The following CFAP20DC variants were observed in gnomAD, a reference collection of about 807,000 sequenced individuals.
The protein encoded by CFAP20DC is CFAP20 domain containing, also known as protein CFAP20DC.
In CFAP20DC, 84 loss-of-function variants were observed where a neutral mutation model predicts 101.7. That is an observed-to-expected ratio of 0.83 (90% CI 0.69 to 0.99). The LOEUF (loss-of-function observed/expected upper bound fraction) is 0.99. Ranked by LOEUF, CFAP20DC falls within the 50% of genes least tolerant of loss-of-function variation. The pLI is 0.00. For synonymous variants in CFAP20DC, 359 were observed against 351.2 expected (o/e 1.02, Z -0.25); for missense variants, 1,007 against 970.3 (o/e 1.04, Z -0.50).
At chr3:59,019,249 T>A (rs1391760158) in intron 4 of CFAP20DC, among the ~76,000 whole-genome samples, 1 of 152,040 alleles carries the variant, frequency 6.6e-6, no homozygotes, top group Non-Finnish European at 1.5e-5. Context: ...ATAATCAGAA[T>A]AAATTCGTTA....
chr3:58,942,875 A>G (rs2107867705), intron 4 of CFAP20DC, among the ~76,000 whole-genome samples: 1 of 152,334 alleles, frequency 6.6e-6, no homozygotes, highest in East Asian at 1.9e-4. Flanking sequence ...CCAGGGCACT[A>G]GAGTTTGGTG....
intron 4 of CFAP20DC, among the ~76,000 whole-genome samples, chr3:59,004,177 T>C (rs749129398): frequency 6.6e-6 from 1 of 152,198 alleles, no homozygotes; most frequent in Non-Finnish European, 1.5e-5. Context: ...TTTTGTTCAC[T>C]GATGTATGTT....
intron 14 of CFAP20DC, among the ~76,000 whole-genome samples, chr3:58,830,542 G>GA (rs1243520935): frequency 1.3e-5 from 2 of 152,052 alleles, no homozygotes; most frequent in Non-Finnish European, 2.9e-5. Flanking sequence ...TGGAGACCTG[G>GA]AAAAAACTGG....
At position 58,913,951 on chromosome 3, in the gene CFAP20DC, T is replaced by C; in HGVS notation, c.394-87A>G. On this transcript the variant is annotated intron_variant, in intron 5 of 16. Transcript: ENST00000482387. The surrounding 1 kb of genome is among the most constrained non-coding windows in gnomAD (Gnocchi z 4.4). ...ATCTATATGTAGACATTCAAAGAGTTGAGGCAGTTATCCTGATCAACAAGC... is the reference window on the plus strand; with the variant it reads ...ATCTATATGTAGACATTCAAAGAGTCGAGGCAGTTATCCTGATCAACAAGC... The C allele has an allele frequency of 1.4e-6, 2 of 1,405,910 alleles. No individual in the cohort carries two copies. The highest frequency in any genetic ancestry group is 9.9e-7 in the Non-Finnish European group (1 of 1,011,166). The allele number at this position is 1,405,910 out of a possible 1,614,324, so 87.1% of individuals were successfully genotyped here. A position where few individuals can be genotyped will look rare whatever the true frequency, so the allele number is the denominator to read the frequency against.
intron 4 of CFAP20DC, among the ~76,000 whole-genome samples, chr3:58,952,178 G>T (rs1034527917): frequency 2.6e-5 from 4 of 152,170 alleles, no homozygotes; most frequent in African/African-American, 9.7e-5. Flanking sequence ...TTAGTTTTCA[G>T]TGATACGTTA....
chr3:58,889,452 C>A (rs1006418827), intron 6 of CFAP20DC, among the ~76,000 whole-genome samples: 1 of 152,138 alleles, frequency 6.6e-6, no homozygotes, highest in East Asian at 1.9e-4. Context: ...GCTCCACAAC[C>A]CCCATGCAAA....
intron 13 of CFAP20DC, among the ~76,000 whole-genome samples, chr3:58,841,399 G>A (rs537836840): frequency 6.6e-6 from 1 of 152,260 alleles, no homozygotes; most frequent in Non-Finnish European, 1.5e-5. Flanking sequence ...ATATAATGAA[G>A]CAATGCTTTA....
At chr3:58,835,637 G>T (rs1388557718) in intron 13 of CFAP20DC, among the ~76,000 whole-genome samples, 1 of 152,068 alleles carries the variant, frequency 6.6e-6, no homozygotes, top group Non-Finnish European at 1.5e-5. Context: ...ACCCTGGAAG[G>T]GGCAGCCAAA....
chr3:59,022,565 C>T (rs2093822342), intron 4 of CFAP20DC, among the ~76,000 whole-genome samples: 2 of 151,840 alleles, frequency 1.3e-5, no homozygotes, highest in African/African-American at 4.8e-5. Context: ...AGATCAATGG[C>T]ATTTAACCTT....
chr3:58,921,746 T>G (rs1352459358), intron 5 of CFAP20DC, among the ~76,000 whole-genome samples: 1 of 152,238 alleles, frequency 6.6e-6, no homozygotes, highest in Admixed American at 6.5e-5. Context: ...AGATTGGTAG[T>G]GTTTTTCAAG....
chr3:58,877,318 A>C (rs1377888848), intron 7 of CFAP20DC, among the ~76,000 whole-genome samples: 1 of 152,232 alleles, frequency 6.6e-6, no homozygotes, highest in Non-Finnish European at 1.5e-5. Flanking sequence ...GACAGATGTT[A>C]AAGCAAATAA....
At chr3:58,817,705 GA>G (rs1285865392) in intron 14 of CFAP20DC, among the ~76,000 whole-genome samples, 1 of 150,398 alleles carries the variant, frequency 6.6e-6, no homozygotes, top group Non-Finnish European at 1.5e-5. Flanking sequence ...AACCAAGTTG[GA>G]AAACACTCTG....
chr3:58,842,188 C>G (rs192445681), intron 13 of CFAP20DC, among the ~76,000 whole-genome samples: 3 of 151,646 alleles, frequency 2.0e-5, no homozygotes, highest in Admixed American at 6.6e-5. Context: ...GGAACAGCTC[C>G]GGTCTACAGC....
intron 13 of CFAP20DC, among the ~76,000 whole-genome samples, chr3:58,843,656 C>A (rs2108224400): frequency 6.6e-6 from 1 of 151,552 alleles, no homozygotes; most frequent in Middle Eastern, 3.4e-3. Flanking sequence ...TCAGGAAATA[C>A]AGAGAATGCC....
intron 7 of CFAP20DC, among the ~76,000 whole-genome samples, chr3:58,871,121 CA>C (rs2080171760): frequency 6.6e-6 from 1 of 151,958 alleles, no homozygotes; most frequent in South Asian, 2.1e-4. Flanking sequence ...TAAGGCAGGC[CA>C]GTGGCAATGA....
chr3:58,766,158 C>G (rs750431017), intron 15 of CFAP20DC, among the ~76,000 whole-genome samples: 1 of 152,194 alleles, frequency 6.6e-6, no homozygotes, highest in Admixed American at 6.5e-5. Flanking sequence ...CCATAAAGGT[C>G]TCTGTCACAA....
intron 4 of CFAP20DC, among the ~76,000 whole-genome samples, chr3:58,986,419 T>C (rs1455913650): frequency 6.6e-6 from 1 of 152,100 alleles, no homozygotes; most frequent in Non-Finnish European, 1.5e-5. Flanking sequence ...TGGGCTTAAA[T>C]AAGGTGGGAA....
At chr3:58,906,827 C>G (rs1429347343) in intron 6 of CFAP20DC, among the ~76,000 whole-genome samples, 1 of 152,090 alleles carries the variant, frequency 6.6e-6, no homozygotes, top group Non-Finnish European at 1.5e-5. Flanking sequence ...CATCAGGAGG[C>G]TGAGGCAGGA....
intron 14 of CFAP20DC, among the ~76,000 whole-genome samples, chr3:58,816,254 G>A (rs933232361): frequency 2.6e-5 from 4 of 152,118 alleles, no homozygotes; most frequent in East Asian, 1.9e-4. Context: ...GTAAACTATC[G>A]CAAGAACAAA....
Sources: allele counts gnomAD v4.1 joint callset (sites outside exome capture counted in the v4.1 genomes callset), GRCh38; gene constraint gnomAD v4.1.1; non-coding constraint Gnocchi (gnomAD v3.1); transcripts MANE v1.5; gene names NCBI Gene and HGNC (gene_info 2026-07-23, HGNC 2026-07-21).